SLC5A4: variants seen among roughly 807,000 people sequenced by gnomAD.
The protein encoded by SLC5A4 is solute carrier family 5 member 4.
In SLC5A4, 55 loss-of-function variants were observed where a neutral mutation model predicts 70.3. That is an observed-to-expected ratio of 0.78 (90% CI 0.63 to 0.98). The LOEUF (loss-of-function observed/expected upper bound fraction) is 0.98, where lower values mean the gene tolerates loss of function less well. Among genes scored for constraint, SLC5A4 ranks in the 50% least tolerant of loss-of-function variants. SLC5A4 has a pLI of 0.00. For missense variants in SLC5A4, 735 were observed against 839.2 expected, an observed-to-expected ratio of 0.88 and a Z score of 1.53; for synonymous variants, 268 against 305.7, an observed-to-expected ratio of 0.88 and a Z score of 1.29.
At chr22:32,311,886 G>T in the SLC5A4 span, among the ~76,000 whole-genome samples, 35 of 152,180 alleles carry the variant, frequency 2.3e-4, no homozygotes, top group Non-Finnish European at 1.5e-4. Flanking sequence ...ATCACGTCAT[G>T]TCCAGGGAGT....
chr22:32,324,381 G>C, the SLC5A4 span, among the ~76,000 whole-genome samples: 1 of 151,898 alleles, frequency 6.6e-6, no homozygotes, highest in East Asian at 1.9e-4. Flanking sequence ...GTTTCTTAGA[G>C]GGTAAAATTT....
the SLC5A4 span, among the ~76,000 whole-genome samples, chr22:32,337,261 G>C: frequency 6.6e-6 from 1 of 152,200 alleles, no homozygotes; most frequent in Non-Finnish European, 1.5e-5. Context: ...GTGCACATAA[G>C]AAACACATTG....
At chr22:32,352,733 A>T in the SLC5A4 span, among the ~76,000 whole-genome samples, 1 of 152,166 alleles carries the variant, frequency 6.6e-6, no homozygotes, top group African/African-American at 2.4e-5. Context: ...ATGCTAATAC[A>T]ACTACTACTG....
chr22:32,329,064 G>A, the SLC5A4 span, among the ~76,000 whole-genome samples: 7 of 152,362 alleles, frequency 4.6e-5, no homozygotes, highest in East Asian at 1.4e-3. Flanking sequence ...CTTCAGGGAT[G>A]TGTGGGTTCC....
Position 32,237,249 on chromosome 22 carries a change from C to T in SLC5A4, c.659G>A (p.Gly220Glu). The change falls in exon 7 of 15, where the codon GGG (glycine) becomes GAG (glutamate). Residue 220 changes from glycine to glutamate, a missense_variant. Transcript: ENST00000266086. ...IMLIGSFILM[G>E]FAFNEVGGYE... is the part of the protein sequence containing the mutation. ...CACGCAGGGTCATCACTTACCAAAC[C>T]CCATGAGAATAAAAGAGCCAATCAG... is the stretch of plus-strand genomic sequence containing the variant. The T allele has an allele frequency of 6.2e-7, 1 of 1,607,628 alleles. No homozygotes were observed. Among genetic ancestry groups the T allele is most frequent in the South Asian group, 1.1e-5 (1 of 89,874 alleles).
At chr22:32,224,216 G>C (rs375644869) in intron 13 of SLC5A4, 51 bp downstream of exon 13, 1 of 1,448,050 alleles carries the variant, frequency 6.9e-7, no homozygotes, top group Non-Finnish European at 9.6e-7. Context: ...CACTGCGCCC[G>C]GCCAAGAACT....
At chr22:32,331,878 T>C in the SLC5A4 span, among the ~76,000 whole-genome samples, 22 of 152,092 alleles carry the variant, frequency 1.4e-4, no homozygotes, top group South Asian at 4.2e-4. Context: ...CCCAGGCCCA[T>C]TGCAGTGGTC....
the SLC5A4 span, chr22:32,269,896 G>A: frequency 1.8e-6 from 1 of 562,096 alleles, no homozygotes; most frequent in South Asian, 1.5e-5. This position sits in a 1 kb window ranked among gnomAD's most constrained non-coding sequence, Gnocchi z 4.1. Flanking sequence ...TTCCACTTTT[G>A]ACAAGGCGGC....
chr22:32,319,554 T>C, the SLC5A4 span, among the ~76,000 whole-genome samples: 26 of 152,284 alleles, frequency 1.7e-4, no homozygotes, highest in African/African-American at 6.3e-4. Flanking sequence ...TCAACCTGCA[T>C]AGCTGCAGGA....
At chr22:32,224,010 TC>T (rs1274806458) in intron 13 of SLC5A4, among the ~76,000 whole-genome samples, 1 of 152,032 alleles carries the variant, frequency 6.6e-6, no homozygotes, top group Non-Finnish European at 1.5e-5. Context: ...AAGCTCCGCC[TC>T]CCAGGTTCAC....
Position 32,224,442 on chromosome 22 carries a change from A to T in SLC5A4, c.1490T>A (p.Leu497His). The T allele has an allele frequency of 1.9e-6, 3 of 1,614,144 alleles. No individual in the cohort carries two copies. The highest frequency in any genetic ancestry group is 1.7e-6 in the Non-Finnish European group (2 of 1,180,002). ...AGCAAACTCTGTTATCATACGAATG[A>T]GGCCCATTGCAAGTCCAACCATTAG... ...WGLMVGLAMG[L>H]IRMITEFAYG... is the part of the protein sequence containing the mutation. The change falls in exon 13 of 15, where the codon CTC (leucine) becomes CAC (histidine). Residue 497 changes from leucine (L) to histidine (H), a missense_variant. Physicochemically the swap from Leu to His is moderately conservative, Grantham distance 99. Coordinates refer to ENST00000266086, the MANE Select transcript of SLC5A4 (RefSeq NM_014227.3).
At position 32,255,319 on chromosome 22, in the gene SLC5A4, G is replaced by C; in HGVS notation, c.11C>G (p.Thr4Arg). ...CTCAGCTATGGTGCTGGGGCTAACC[G>C]TACTGGCCATGGCTGCAGGCAGTGC... MAS[T>R]VSPSTIAETP... The change falls in exon 1 of 15, where the codon ACG becomes AGG. Residue 4 changes from threonine (T) to arginine (R), a missense_variant. By Grantham distance (71) the Thr-to-Arg change is moderately conservative. Transcript: ENST00000266086. 1 of 1,614,082 alleles carries C rather than the reference G, an allele frequency of 6.2e-7. No individual in the cohort carries two copies. The highest frequency in any genetic ancestry group is 1.7e-4 in the Middle Eastern group (1 of 6,060).
the SLC5A4 span, chr22:32,270,523 T>C: frequency 7.0e-6 from 5 of 717,096 alleles, no homozygotes; most frequent in African/African-American, 8.7e-5. Flanking sequence ...CAGACAGTGA[T>C]TCCTGATTCT....
the SLC5A4 span, among the ~76,000 whole-genome samples, chr22:32,354,049 C>T: frequency 0.012 from 1,838 of 150,666 alleles, 17 homozygotes; most frequent in Non-Finnish European, 0.019. Context: ...GCGCACCCAA[C>T]CCGCCCCGCC....
At chr22:32,272,253 A>G in the SLC5A4 span, 55 of 792,682 alleles carry the variant, frequency 6.9e-5, no homozygotes, top group Non-Finnish European at 1.1e-4. Context: ...GCCCGAGCCC[A>G]GCCAGCCCTT....
chr22:32,247,596 C>T (rs777529012), intron 4 of SLC5A4, 81 bp from the exon 5 acceptor site: 15 of 903,644 alleles, frequency 1.7e-5, no homozygotes, highest in Non-Finnish European at 2.7e-5. Context: ...TCCTAAGCAC[C>T]TGTGAGTGAA....
intron 14 of SLC5A4, among the ~76,000 whole-genome samples, chr22:32,219,630 CAAAAAA>C: frequency 3.5e-4 from 10 of 28,880 alleles, no homozygotes; most frequent in Non-Finnish European, 4.9e-4. Context: ...TCCAACTTAG[CAAAAAA>C]AAAAAAAAAA....
At chr22:32,347,404 A>C in the SLC5A4 span, among the ~76,000 whole-genome samples, 1 of 152,170 alleles carries the variant, frequency 6.6e-6, no homozygotes, top group East Asian at 1.9e-4. Flanking sequence ...ACACATGCAC[A>C]CGTATGTTTA....
chr22:32,257,584 C>T (rs994709464), upstream of SLC5A4, among the ~76,000 whole-genome samples: 1 of 151,934 alleles, frequency 6.6e-6, no homozygotes, highest in African/African-American at 2.4e-5. Flanking sequence ...AACACCTGGG[C>T]TCAAGTAATT....
Sources: allele counts gnomAD v4.1 joint callset (sites outside exome capture counted in the v4.1 genomes callset), GRCh38; gene constraint gnomAD v4.1.1; non-coding constraint Gnocchi (gnomAD v3.1); transcripts MANE v1.5; gene names NCBI Gene and HGNC (gene_info 2026-07-23, HGNC 2026-07-21).